Variants in SMAP1 observed in about 807,000 individuals in gnomAD.
SMAP1 encodes small ArfGAP 1.
In SMAP1, 24 loss-of-function variants were observed where a neutral mutation model predicts 58.5. The observed-to-expected ratio is 0.41, with a 90% CI of 0.30 to 0.58. SMAP1 has a LOEUF of 0.58. Ranked by LOEUF, SMAP1 falls within the 20% of genes least tolerant of loss-of-function variation. The probability of loss-of-function intolerance (pLI) is 0.29; values close to 1 mark genes in which losing one functional copy is unlikely to be tolerated. For missense variants in SMAP1, 563 were observed against 566.3 expected (o/e 0.99, Z 0.06); for synonymous variants, 216 against 196.6 (o/e 1.10, Z -0.82).
chr6:70,855,238 G>A (rs1422535893), intron 8 of SMAP1, among the ~76,000 whole-genome samples: 6 of 152,286 alleles, frequency 3.9e-5, no homozygotes, highest in Non-Finnish European at 7.4e-5. Flanking sequence ...ATGAGAGGCA[G>A]AAGTTGTTTC....
intron 7 of SMAP1, 130 bp downstream of exon 7, chr6:70,837,158 A>C: frequency 1.7e-6 from 1 of 585,714 alleles, no homozygotes; most frequent in Non-Finnish European, 2.7e-6. Context: ...AAATGGTATG[A>C]TTAGTTTGCT....
At chr6:70,837,339 C>T (rs1770630762) in intron 7 of SMAP1, among the ~76,000 whole-genome samples, 1 of 152,070 alleles carries the variant, frequency 6.6e-6, no homozygotes, top group Non-Finnish European at 1.5e-5. Flanking sequence ...ATTATTTTCT[C>T]TTCTCTCTCT....
intron 1 of SMAP1, among the ~76,000 whole-genome samples, chr6:70,718,819 C>CAAAAA (rs5877259): frequency 7.0e-5 from 4 of 57,542 alleles, no homozygotes; most frequent in African/African-American, 2.5e-4. Flanking sequence ...GACTCCATCT[C>CAAAAA]AAAAAAAAAA....
At chr6:70,860,131 TG>T in intron 10 of SMAP1, 68 bp from the exon 11 acceptor site, 1 of 1,492,924 alleles carries the variant, frequency 6.7e-7, no homozygotes, top group Middle Eastern at 1.8e-4. Flanking sequence ...TGACCAACTG[TG>T]TGGCTAAAGA....
At chr6:70,856,681 A>T in intron 8 of SMAP1, 178 bp from the exon 9 acceptor site, 1 of 519,550 alleles carries the variant, frequency 1.9e-6, no homozygotes, top group South Asian at 4.3e-5. Flanking sequence ...TACTGTCTTG[A>T]TTGTAGATGT....
At chr6:70,795,981 G>A (rs1768588934) in intron 5 of SMAP1, among the ~76,000 whole-genome samples, 1 of 151,598 alleles carries the variant, frequency 6.6e-6, no homozygotes, top group Non-Finnish European at 1.5e-5. Flanking sequence ...GGCCTGCCTC[G>A]GCCTCCCGAA....
At chr6:70,675,388 C>T (rs981356094) in intron 1 of SMAP1, among the ~76,000 whole-genome samples, 4 of 151,642 alleles carry the variant, frequency 2.6e-5, no homozygotes, top group East Asian at 1.9e-4. Context: ...CAGTGGTGTA[C>T]ACCTGTAATC....
At chr6:70,799,780 T>C (rs753007287) in intron 6 of SMAP1, among the ~76,000 whole-genome samples, 45 of 152,200 alleles carry the variant, frequency 3.0e-4, no homozygotes, top group Non-Finnish European at 4.7e-4. Context: ...GTTTTTAGGG[T>C]GACTTAGTAG....
intron 3 of SMAP1, among the ~76,000 whole-genome samples, chr6:70,765,426 A>C (rs1766927669): frequency 6.6e-6 from 1 of 152,232 alleles, no homozygotes; most frequent in Non-Finnish European, 1.5e-5. Flanking sequence ...CCAAAGTTTG[A>C]AATAAATGTG....
chr6:70,668,747 T>C (rs1766144067), intron 1 of SMAP1: 1 of 1,534,176 alleles, frequency 6.5e-7, no homozygotes, highest in Admixed American at 2.0e-5. Flanking sequence ...ATAAATTAAT[T>C]GGAGAAAGGT....
At chr6:70,852,070 C>T (rs1771205965) in intron 7 of SMAP1, among the ~76,000 whole-genome samples, 1 of 152,148 alleles carries the variant, frequency 6.6e-6, no homozygotes, top group South Asian at 2.1e-4. Flanking sequence ...CACACCCTCA[C>T]ACATACATTT....
chr6:70,858,232 A>AT lies in SMAP1; in HGVS notation c.1269+3_1269+4insT, dbSNP rs776399319. 7.0e-7 allele frequency: 1 copy of AT among 1,418,744 alleles called. No individual in the cohort carries two copies. Among genetic ancestry groups the AT allele is most frequent in the Admixed American group, 1.9e-5 (1 of 53,454 alleles). 87.9% of individuals were successfully genotyped at this position (1,418,744 alleles called of 1,614,324 possible). A position where few individuals can be genotyped will look rare whatever the true frequency, so the allele number is the denominator to read the frequency against. On this transcript the variant is annotated splice_donor_region_variant and intron_variant, in intron 10 of 10. Transcript: ENST00000370455. The stretch of plus-strand genomic sequence containing the variant: ...AGCCCCAGTGGAGCCTCTCACAGGT[A>AT]GGGGTCATTTACTTTCTAGCTTCTC...
intron 6 of SMAP1, among the ~76,000 whole-genome samples, chr6:70,801,707 G>A (rs527252099): frequency 6.6e-6 from 1 of 152,234 alleles, no homozygotes; most frequent in South Asian, 2.1e-4. Context: ...TGTAAGAAGG[G>A]GATCCAGTTT....
chr6:70,679,636 T>C (rs1256578972), intron 1 of SMAP1, among the ~76,000 whole-genome samples: 1 of 152,104 alleles, frequency 6.6e-6, no homozygotes, highest in Non-Finnish European at 1.5e-5. Context: ...CATAACAATA[T>C]GAAAACTGTG....
chr6:70,769,420 A>C (rs1767166877), intron 3 of SMAP1, among the ~76,000 whole-genome samples: 1 of 152,156 alleles, frequency 6.6e-6, no homozygotes, highest in Non-Finnish European at 1.5e-5. Flanking sequence ...GACTTGCTTT[A>C]TGAATCTGGG....
intron 1 of SMAP1, among the ~76,000 whole-genome samples, chr6:70,680,717 T>G (rs1052939581): frequency 7.2e-6 from 1 of 138,530 alleles, no homozygotes; most frequent in African/African-American, 2.7e-5. Flanking sequence ...TTCCTGTTTT[T>G]TTTTTTTTTT....
chr6:70,707,821 C>T (rs1767898211), intron 1 of SMAP1, among the ~76,000 whole-genome samples: 1 of 152,046 alleles, frequency 6.6e-6, no homozygotes, highest in South Asian at 2.1e-4. Context: ...ACATGTTGGC[C>T]AGGCTTTAAA....
chr6:70,843,492 C>T (rs1770878246), intron 7 of SMAP1, among the ~76,000 whole-genome samples: 1 of 152,116 alleles, frequency 6.6e-6, no homozygotes, highest in Non-Finnish European at 1.5e-5. Context: ...AACTGAGGCA[C>T]AGAGAGGTTA....
At chr6:70,801,215 C>G (rs967295292) in intron 6 of SMAP1, among the ~76,000 whole-genome samples, 5 of 152,166 alleles carry the variant, frequency 3.3e-5, no homozygotes, top group Non-Finnish European at 7.4e-5. Context: ...GCGATTCTAC[C>G]TGGCGTGAGA....
Sources: allele counts gnomAD v4.1 joint callset (sites outside exome capture counted in the v4.1 genomes callset), GRCh38; gene constraint gnomAD v4.1.1; transcripts MANE v1.5; gene names NCBI Gene and HGNC (gene_info 2026-07-23, HGNC 2026-07-21).